FOXP1: variants seen among roughly 807,000 people sequenced by gnomAD.
The protein encoded by FOXP1 is forkhead box protein P1.
In FOXP1, 15 loss-of-function variants were observed where a neutral mutation model predicts 98.2. The observed-to-expected ratio is 0.15, with a 90% CI of 0.10 to 0.24. FOXP1 has a LOEUF of 0.24. FOXP1 is among the 10% of genes least tolerant of loss of function. FOXP1 has a pLI of 1.00. For synonymous variants in FOXP1, 371 were observed against 314.5 expected, an observed-to-expected ratio of 1.18 and a Z score of -1.90; for missense variants, 633 against 848.5, an observed-to-expected ratio of 0.75 and a Z score of 3.15.
chr3:71,583,807 T>C (rs866534947), upstream of FOXP1: 2 of 986,558 alleles, frequency 2.0e-6, no homozygotes, highest in Middle Eastern at 5.2e-4. Flanking sequence ...CCAGCGCCGG[T>C]GGCGGCGGCG....
At chr3:70,980,298 G>C (rs561330482) in intron 14 of FOXP1, among the ~76,000 whole-genome samples, 2 of 152,308 alleles carry the variant, frequency 1.3e-5, no homozygotes, top group South Asian at 4.1e-4. Flanking sequence ...GGAAATTAGT[G>C]CATGAAAGGC....
chr3:71,351,951 T>A (rs1315901965), intron 4 of FOXP1, among the ~76,000 whole-genome samples: 1 of 152,222 alleles, frequency 6.6e-6, no homozygotes, highest in Non-Finnish European at 1.5e-5. Flanking sequence ...CCTAATCAAA[T>A]TGCGACACAC....
intron 5 of FOXP1, among the ~76,000 whole-genome samples, chr3:71,279,735 T>C (rs1329210674): frequency 6.6e-6 from 1 of 152,134 alleles, no homozygotes; most frequent in African/African-American, 2.4e-5. Context: ...CAGAGAGATA[T>C]GGGTAACATT....
intron 3 of FOXP1, among the ~76,000 whole-genome samples, chr3:71,417,223 C>T (rs531497082): frequency 6.6e-6 from 1 of 152,318 alleles, no homozygotes; most frequent in Admixed American, 6.5e-5. Context: ...GCCCAGTCGT[C>T]CACACGATGC....
intron 2 of FOXP1, chr3:71,572,743 C>A (rs569820375): frequency 6.6e-6 from 1 of 152,204 alleles, no homozygotes; most frequent in African/African-American, 2.4e-5. Flanking sequence ...AGGAGCCTCT[C>A]CTACCTGAAC....
At chr3:71,294,928 A>C (rs2073133299) in intron 5 of FOXP1, among the ~76,000 whole-genome samples, 1 of 130,072 alleles carries the variant, frequency 7.7e-6, no homozygotes, top group Non-Finnish European at 1.8e-5. Flanking sequence ...CAAAGCCCCA[A>C]GGGAGGAGAG....
intron 13 of FOXP1, among the ~76,000 whole-genome samples, chr3:71,000,694 C>A (rs141372095): frequency 6.6e-6 from 1 of 151,690 alleles, no homozygotes; most frequent in South Asian, 2.1e-4. Flanking sequence ...TCAAAGTGGC[C>A]GCTGAGAGTT....
chr3:71,071,318 A>G (rs1206779509), intron 7 of FOXP1, among the ~76,000 whole-genome samples: 1 of 152,188 alleles, frequency 6.6e-6, no homozygotes, highest in Non-Finnish European at 1.5e-5. Context: ...TTGACGGTTC[A>G]TGTAGTTTCC....
chr3:71,223,972 G>A (rs995513009), intron 5 of FOXP1, among the ~76,000 whole-genome samples: 3 of 152,152 alleles, frequency 2.0e-5, no homozygotes, highest in Non-Finnish European at 4.4e-5. Context: ...TCCCTAGTAT[G>A]GCAGCTGGTC....
At chr3:71,565,433 T>C (rs2046834912) in intron 2 of FOXP1, among the ~76,000 whole-genome samples, 1 of 151,948 alleles carries the variant, frequency 6.6e-6, no homozygotes, top group South Asian at 2.1e-4. Flanking sequence ...AATACACATA[T>C]TTGGTGGCAG....
chr3:71,356,308 C>T (rs2078156932), intron 4 of FOXP1, among the ~76,000 whole-genome samples: 2 of 150,936 alleles, frequency 1.3e-5, no homozygotes, highest in South Asian at 2.1e-4. Flanking sequence ...GCTCTGCTAA[C>T]AGGGCTACAG....
chr3:71,525,914 G>A (rs903909000), intron 2 of FOXP1, among the ~76,000 whole-genome samples: 3 of 151,952 alleles, frequency 2.0e-5, no homozygotes, highest in African/African-American at 2.4e-5. Context: ...TCAGGAGTTC[G>A]AGACCAGCCT....
At position 71,198,127 on chromosome 3, in the gene FOXP1, C is replaced by A. The variant is rs545709406; in HGVS notation, c.180+75G>T. 14 of 1,612,996 alleles carry A rather than the reference C, an allele frequency of 8.7e-6. No individual in the cohort carries two copies. The East Asian group carries it at 1.3e-4, about 15-fold the overall frequency. ...GAACACAAAACACTGATCGCGAGATCGCGATTAAGTGTAAAATTCAGCAGT... is the reference window on the plus strand; with the variant it reads ...GAACACAAAACACTGATCGCGAGATAGCGATTAAGTGTAAAATTCAGCAGT... On this transcript the variant is annotated intron_variant, in intron 6 of 20. Transcript: ENST00000649528.
At chr3:71,503,135 G>C (rs976828856) in intron 2 of FOXP1, among the ~76,000 whole-genome samples, 16 of 152,146 alleles carry the variant, frequency 1.1e-4, no homozygotes, top group Non-Finnish European at 2.2e-4. Flanking sequence ...GGATTTAAAA[G>C]TGCTGTTTAC....
At chr3:71,543,967 T>C (rs2045112406) in intron 2 of FOXP1, among the ~76,000 whole-genome samples, 1 of 151,994 alleles carries the variant, frequency 6.6e-6, no homozygotes, top group African/African-American at 2.4e-5. Context: ...TGTGCCTGTG[T>C]GTGTTTACAC....
At chr3:70,993,192 C>A (rs2040871139) in intron 13 of FOXP1, among the ~76,000 whole-genome samples, 1 of 152,202 alleles carries the variant, frequency 6.6e-6, no homozygotes, top group Non-Finnish European at 1.5e-5. Flanking sequence ...ACTTTTCTCC[C>A]TGCTGACATT....
chr3:71,498,646 T>C (rs933013231), intron 2 of FOXP1, among the ~76,000 whole-genome samples: 5 of 152,168 alleles, frequency 3.3e-5, no homozygotes, highest in Non-Finnish European at 5.9e-5. Flanking sequence ...ACAGACAACA[T>C]GCTCATCACG....
chr3:71,119,585 A>G (rs1458168614), intron 6 of FOXP1, among the ~76,000 whole-genome samples: 1 of 151,952 alleles, frequency 6.6e-6, no homozygotes, highest in Non-Finnish European at 1.5e-5. Flanking sequence ...TCCTCTACAT[A>G]CTCTTTGACT....
chr3:71,176,532 A>C (rs1397166587), intron 6 of FOXP1, among the ~76,000 whole-genome samples: 1 of 152,116 alleles, frequency 6.6e-6, no homozygotes, highest in African/African-American at 2.4e-5. Context: ...AGCATGCTGC[A>C]AACGTCACCA....
Sources: allele counts gnomAD v4.1 joint callset (sites outside exome capture counted in the v4.1 genomes callset), GRCh38; gene constraint gnomAD v4.1.1; transcripts MANE v1.5; gene names NCBI Gene and HGNC (gene_info 2026-07-23, HGNC 2026-07-21).